CWC27: variants seen among roughly 807,000 people sequenced by gnomAD.
The protein encoded by CWC27 is spliceosome-associated protein CWC27 homolog.
Under a neutral mutation model 63.6 loss-of-function variants are expected in CWC27, and 47 were observed. That is an observed-to-expected ratio of 0.74 (90% CI 0.58 to 0.94). CWC27 has a LOEUF of 0.94. Among genes scored for constraint, CWC27 ranks in the 40% least tolerant of loss-of-function variants. The pLI is 0.00. For synonymous variants in CWC27, 175 were observed against 179.8 expected (o/e 0.97, Z 0.22); for missense variants, 495 against 554.3 (o/e 0.89, Z 1.07).
At chr5:64,773,625 A>G (rs1743340642) in intron 1 of CWC27, among the ~76,000 whole-genome samples, 1 of 152,234 alleles carries the variant, frequency 6.6e-6, no homozygotes, top group Non-Finnish European at 1.5e-5. Flanking sequence ...GATGGTCACA[A>G]ATTATTGACA....
Position 64,840,375 on chromosome 5 carries a change from AAAAAAAAAAAAAAAAAAAAATATATATAT to A in CWC27, c.938+35991_938+36019del, listed in dbSNP as rs1402521796. On this transcript the variant is annotated intron_variant, in intron 10 of 13. Coordinates refer to ENST00000381070, the MANE Select transcript of CWC27 (RefSeq NM_005869.4). ...ATCCTTTTTCATTAAAAAAAAAAAA[AAAAAAAAAAAAAAAAAAAAATATATATAT>A]ATATATATATATATATATATATATA... is the stretch of plus-strand genomic sequence containing the variant. Among the ~76,000 whole-genome samples the A allele has an allele frequency of 7.2e-4, 43 of 60,114 alleles. 1 individual carries two copies. The highest frequency in any genetic ancestry group is 3.2e-3 in the African/African-American group (43 of 13,466). 39.4% of individuals were successfully genotyped at this position (60,114 alleles called of 152,430 possible).
intron 10 of CWC27, among the ~76,000 whole-genome samples, chr5:64,869,610 A>T (rs994316074): frequency 2.6e-5 from 4 of 151,970 alleles, no homozygotes; most frequent in African/African-American, 9.7e-5. Context: ...GTCACTAGTG[A>T]CTCTGAGGAT....
chr5:64,850,634 C>CG (rs1746111383), intron 10 of CWC27, among the ~76,000 whole-genome samples: 1 of 151,894 alleles, frequency 6.6e-6, no homozygotes, highest in African/African-American at 2.4e-5. Flanking sequence ...AAACTACAAT[C>CG]GGGAAAAAAA....
chr5:64,804,128 T>A (rs2112214028), intron 9 of CWC27, 101 bp from the exon 10 acceptor site: 3 of 996,390 alleles, frequency 3.0e-6, no homozygotes, highest in South Asian at 2.5e-5. Flanking sequence ...AAAAAAAACC[T>A]AGTTTAGAAT....
At chr5:64,810,240 T>A (rs999733349) in intron 10 of CWC27, among the ~76,000 whole-genome samples, 6 of 152,150 alleles carry the variant, frequency 3.9e-5, no homozygotes, top group African/African-American at 1.4e-4. Context: ...TCCTATCCTG[T>A]TTCATTGGTT....
intron 11 of CWC27, among the ~76,000 whole-genome samples, chr5:64,915,030 A>G (rs1357940444): frequency 6.6e-6 from 1 of 152,198 alleles, no homozygotes; most frequent in Admixed American, 6.5e-5. Context: ...TTTATATAAT[A>G]TGCACAAGAA....
intron 11 of CWC27, among the ~76,000 whole-genome samples, chr5:64,934,412 T>C (rs1457034663): frequency 6.6e-6 from 1 of 152,228 alleles, no homozygotes; most frequent in Non-Finnish European, 1.5e-5. Flanking sequence ...TTCATCCATG[T>C]CCCTGCAAAG....
At chr5:64,994,791 C>G (rs999854837) in intron 13 of CWC27, among the ~76,000 whole-genome samples, 4 of 152,056 alleles carry the variant, frequency 2.6e-5, no homozygotes, top group Non-Finnish European at 5.9e-5. Flanking sequence ...TTCTCCTTAC[C>G]CTAGAATTAT....
intron 6 of CWC27, among the ~76,000 whole-genome samples, chr5:64,787,224 TTTTG>T (rs142579302): frequency 0.58 from 88,020 of 150,958 alleles, 26,383 homozygotes; most frequent in East Asian, 0.86. Flanking sequence ...ATATTAGTGG[TTTTG>T]TTTGTTTGTT....
intron 11 of CWC27, among the ~76,000 whole-genome samples, chr5:64,902,663 T>C (rs531609445): frequency 1.3e-5 from 2 of 152,300 alleles, no homozygotes; most frequent in Non-Finnish European, 2.9e-5. Flanking sequence ...GTGTAAGTCC[T>C]CCCACATTTT....
chr5:64,890,347 T>C (rs749831129), intron 11 of CWC27, among the ~76,000 whole-genome samples: 15 of 152,198 alleles, frequency 9.9e-5, no homozygotes, highest in Non-Finnish European at 2.1e-4. Context: ...GCTTGATAGG[T>C]TGTGAAAGTA....
intron 11 of CWC27, among the ~76,000 whole-genome samples, chr5:64,931,077 G>A (rs1748228226): frequency 6.6e-6 from 1 of 152,132 alleles, no homozygotes; most frequent in Non-Finnish European, 1.5e-5. Context: ...AAAGGACATG[G>A]TTGGGGAACT....
chr5:64,808,152 C>T (rs1015878841), intron 10 of CWC27: 2 of 1,049,124 alleles, frequency 1.9e-6, no homozygotes, highest in Non-Finnish European at 2.3e-6. Context: ...TACCGAGTCT[C>T]AGGCCCTGTC....
rs767312055 is a variant in CWC27 at position 64,786,516 on chromosome 5, T to C, written c.496-8T>C. ...GGAATAATGTTTTCGAAATATTTTT[T>C]TTCATAGGTTTTGTTTAATCCTTTT... On this transcript the variant is annotated splice_polypyrimidine_tract_variant and splice_region_variant and intron_variant, in intron 5 of 13. Transcript: ENST00000381070. 6.7e-7 allele frequency: 1 copy of C among 1,493,598 alleles called. No homozygotes were observed. The highest frequency in any genetic ancestry group is 2.3e-5 in the East Asian group (1 of 42,692). The allele number at this position is 1,493,598 out of a possible 1,614,324, so 92.5% of individuals were successfully genotyped here.
intron 11 of CWC27, among the ~76,000 whole-genome samples, chr5:64,965,822 G>T (rs768185843): frequency 9.2e-5 from 14 of 152,076 alleles, no homozygotes; most frequent in Non-Finnish European, 1.0e-4. Flanking sequence ...TTAGATGCTT[G>T]CCATCACTAC....
intron 10 of CWC27, among the ~76,000 whole-genome samples, chr5:64,867,653 G>C (rs1746561654): frequency 6.6e-6 from 1 of 151,996 alleles, no homozygotes; most frequent in South Asian, 2.1e-4. Flanking sequence ...CAAATTGATG[G>C]AACATGAGAA....
chr5:64,905,072 A>G (rs932208886), intron 11 of CWC27, among the ~76,000 whole-genome samples: 4 of 151,886 alleles, frequency 2.6e-5, no homozygotes, highest in African/African-American at 4.8e-5. Context: ...ATGGTGGTGC[A>G]TGCCTGTAGT....
At chr5:64,842,290 A>G (rs1381946132) in intron 10 of CWC27, among the ~76,000 whole-genome samples, 1 of 151,880 alleles carries the variant, frequency 6.6e-6, no homozygotes, top group African/African-American at 2.4e-5. Flanking sequence ...CCTTTCCTAC[A>G]TTGATGTTTT....
intron 10 of CWC27, among the ~76,000 whole-genome samples, chr5:64,823,314 A>G (rs1045642365): frequency 1.3e-5 from 2 of 152,180 alleles, no homozygotes; most frequent in Non-Finnish European, 2.9e-5. Flanking sequence ...TCTTCCAACC[A>G]TGGCGTATTT....
Sources: gnomAD v4.1 joint callset for allele counts (sites outside exome capture counted in the v4.1 genomes callset) on GRCh38, gnomAD v4.1.1 for gene constraint, MANE v1.5 for transcripts, NCBI Gene and HGNC (gene_info 2026-07-23, HGNC 2026-07-21) for gene names.